Variants in VWA8 observed in about 807,000 individuals in gnomAD.
VWA8 encodes the protein von Willebrand factor A domain containing 8.
In VWA8, 221 loss-of-function variants were observed where a neutral mutation model predicts 241.5. The observed-to-expected ratio is 0.91, with a 90% CI of 0.82 to 1.02. The LOEUF (loss-of-function observed/expected upper bound fraction) is 1.02. VWA8 is among the 50% of genes least tolerant of loss of function. The pLI is 0.00. For synonymous variants in VWA8, 852 were observed against 827.1 expected (o/e 1.03, Z -0.52); for missense variants, 2,322 against 2,328.7 (o/e 1.00, Z 0.06).
intron 37 of VWA8, among the ~76,000 whole-genome samples, chr13:41,669,417 T>C (rs142996390): frequency 6.6e-5 from 10 of 152,266 alleles, no homozygotes; most frequent in African/African-American, 2.4e-4. Context: ...TATATAGGAG[T>C]GTGAGCACAA....
chr13:41,920,402 C>A (rs1239538673), intron 2 of VWA8, among the ~76,000 whole-genome samples: 1 of 151,992 alleles, frequency 6.6e-6, no homozygotes, highest in African/African-American at 2.4e-5. Context: ...CAAACACATT[C>A]AAAAGCTAGC....
chr13:41,814,961 C>G (rs989241580), intron 16 of VWA8, among the ~76,000 whole-genome samples: 1 of 151,826 alleles, frequency 6.6e-6, no homozygotes, highest in Admixed American at 6.6e-5. Flanking sequence ...GAGTAAGAAG[C>G]CCTATAAAGA....
chr13:41,739,830 TTTTTTTTTGTTTTTTTTG>T (rs1229389890), intron 21 of VWA8, among the ~76,000 whole-genome samples: 233 of 136,474 alleles, frequency 1.7e-3, no homozygotes, highest in African/African-American at 6.1e-3. Flanking sequence ...TTTTTTTGTT[TTTTTTTTTGTTTTTTTTG>T]TTTTTTTTGT....
intron 14 of VWA8, among the ~76,000 whole-genome samples, chr13:41,821,169 G>A (rs1423789906): frequency 6.6e-6 from 1 of 152,130 alleles, no homozygotes; most frequent in Non-Finnish European, 1.5e-5. Flanking sequence ...ATGCTAAATG[G>A]TTTACATTTA....
chr13:41,759,351 T>A (rs569130529), intron 21 of VWA8, among the ~76,000 whole-genome samples: 1 of 151,842 alleles, frequency 6.6e-6, no homozygotes, highest in East Asian at 1.9e-4. Flanking sequence ...CTGGTAATTT[T>A]AAAGATTTTT....
intron 17 of VWA8, among the ~76,000 whole-genome samples, chr13:41,808,349 A>G (rs1870314464): frequency 6.6e-6 from 1 of 152,206 alleles, no homozygotes; most frequent in Non-Finnish European, 1.5e-5. Context: ...TGTACAGGAC[A>G]CATGACGCTG....
In VWA8 at chr13:41,678,760, GTCTACTATTTCAAGAA is replaced by G. The variant is rs552610237; in HGVS notation, c.4328-3480_4328-3465del. Among the ~76,000 whole-genome samples, 26 of 152,100 alleles carry G rather than the reference GTCTACTATTTCAAGAA, an allele frequency of 1.7e-4. No individual in the cohort carries two copies. In the South Asian group the frequency reaches 5.2e-3, roughly 30 times the overall value. On this transcript the variant is annotated intron_variant, in intron 35 of 44. Transcript: ENST00000379310. ...GGTGAGAAAATGCAATAATGACAGT[GTCTACTATTTCAAGAA>G]GTAGAAAGCAAGAATTTTACTCCTG... is the stretch of plus-strand genomic sequence containing the variant.
intron 42 of VWA8, among the ~76,000 whole-genome samples, chr13:41,585,826 T>C (rs373237788): frequency 7.0e-6 from 1 of 142,856 alleles, no homozygotes. Flanking sequence ...ATCACACCAC[T>C]GCACTCCAGC....
chr13:41,604,458 T>C (rs564976367), intron 40 of VWA8, among the ~76,000 whole-genome samples: 2 of 152,166 alleles, frequency 1.3e-5, no homozygotes, highest in South Asian at 4.1e-4. Context: ...TTTGAAAAAA[T>C]AAGGCTTTTC....
At chr13:41,590,193 C>CA (rs1470345598) in intron 41 of VWA8, among the ~76,000 whole-genome samples, 1 of 152,110 alleles carries the variant, frequency 6.6e-6, no homozygotes, top group Non-Finnish European at 1.5e-5. Flanking sequence ...TGCTGTTGCC[C>CA]ATGGGTTGGC....
intron 2 of VWA8, among the ~76,000 whole-genome samples, chr13:41,943,539 T>A (rs1412220108): frequency 6.6e-6 from 1 of 152,072 alleles, no homozygotes; most frequent in Non-Finnish European, 1.5e-5. Flanking sequence ...TTATGTGTAA[T>A]CAAACTTTCT....
chr13:41,667,272 A>T (rs2044992946), intron 37 of VWA8, among the ~76,000 whole-genome samples: 1 of 152,216 alleles, frequency 6.6e-6, no homozygotes. Flanking sequence ...AACTGCATTT[A>T]TTCATAGTCC....
chr13:41,792,717 C>T (rs1869514281), intron 17 of VWA8, among the ~76,000 whole-genome samples: 1 of 151,884 alleles, frequency 6.6e-6, no homozygotes, highest in Non-Finnish European at 1.5e-5. Flanking sequence ...ACTAAATCTT[C>T]CATTTATTTG....
intron 29 of VWA8, among the ~76,000 whole-genome samples, chr13:41,693,698 C>A (rs1407512777): frequency 2.0e-5 from 3 of 151,510 alleles, no homozygotes; most frequent in East Asian, 1.9e-4. Context: ...AATAAATAAA[C>A]CTTATGTGTT....
chr13:41,739,681 C>T (rs2045551369), intron 21 of VWA8, among the ~76,000 whole-genome samples: 1 of 151,964 alleles, frequency 6.6e-6, no homozygotes, highest in Admixed American at 6.6e-5. Flanking sequence ...CTACCATTTA[C>T]CTATTTTATT....
intron 2 of VWA8, among the ~76,000 whole-genome samples, chr13:41,922,265 C>T (rs551293212): frequency 1.3e-5 from 2 of 152,284 alleles, no homozygotes; most frequent in African/African-American, 4.8e-5. Flanking sequence ...CATCCTTACA[C>T]CCTATACAAA....
chr13:41,726,732 C>T (rs2045437250), intron 24 of VWA8, among the ~76,000 whole-genome samples: 1 of 152,182 alleles, frequency 6.6e-6, no homozygotes. Context: ...TGGTGGCTCA[C>T]ATCTGCAATC....
chr13:41,744,152 T>G (rs1429780558), intron 21 of VWA8, among the ~76,000 whole-genome samples: 1 of 152,226 alleles, frequency 6.6e-6, no homozygotes, highest in Non-Finnish European at 1.5e-5. Context: ...CAGAACTCCC[T>G]GTGAAGAGGC....
chr13:41,879,166 A>G (rs1874047067), intron 9 of VWA8, among the ~76,000 whole-genome samples: 1 of 152,164 alleles, frequency 6.6e-6, no homozygotes, highest in Admixed American at 6.5e-5. Context: ...TGATTAAATC[A>G]AAGATAAGTT....
Sources: allele counts gnomAD v4.1 joint callset (sites outside exome capture counted in the v4.1 genomes callset), GRCh38; gene constraint gnomAD v4.1.1; transcripts MANE v1.5; gene names NCBI Gene and HGNC (gene_info 2026-07-23, HGNC 2026-07-21).